CACNG7: variants seen among roughly 807,000 people sequenced by gnomAD.
CACNG7 encodes calcium voltage-gated channel auxiliary subunit gamma 7.
In CACNG7, 9 loss-of-function variants were observed where a neutral mutation model predicts 26.3. The ratio of observed to expected loss-of-function variants is 0.34; its 90% CI spans 0.21 to 0.60. The LOEUF (loss-of-function observed/expected upper bound fraction) is 0.60. CACNG7 is among the 20% of genes least tolerant of loss of function. The probability of loss-of-function intolerance (pLI) is 0.81; values close to 1 mark genes in which losing one functional copy is unlikely to be tolerated. For synonymous variants in CACNG7, 170 were observed against 157.0 expected, an observed-to-expected ratio of 1.08 and a Z score of -0.62; for missense variants, 297 against 380.4, an observed-to-expected ratio of 0.78 and a Z score of 1.82.
At position 53,942,181 on chromosome 19, in the gene CACNG7, G is replaced by T. The variant is rs1348904362; in HGVS notation, c.716G>T (p.Arg239Leu). 6.2e-7 allele frequency: 1 copy of T among 1,613,874 alleles called. No individual in the cohort carries two copies. The highest frequency in any genetic ancestry group is 1.7e-5 in the Admixed American group (1 of 59,996). ...GQFLQPEAWR[R>L]GRSPSDISSD... Reference sequence around the variant, plus strand: ...TTCCTGCAGCCCGAGGCGTGGCGCCGCGGCCGGAGCCCCTCCGACATCTCC... The same window carrying T: ...TTCCTGCAGCCCGAGGCGTGGCGCCTCGGCCGGAGCCCCTCCGACATCTCC... Residue 239 changes from arginine to leucine, a missense_variant, in exon 6 of 6, where the codon CGC becomes CTC. Arg to Leu is a moderately radical substitution (Grantham distance 102). Transcript: ENST00000391767. The surrounding 1 kb of genome is among the most constrained non-coding windows in gnomAD (Gnocchi z 5.9).
intron 3 of CACNG7, 48 bp downstream of exon 3, chr19:53,914,634 C>T (rs551136659): frequency 5.8e-6 from 9 of 1,544,964 alleles, no homozygotes; most frequent in Middle Eastern, 1.7e-4. Flanking sequence ...AGATCACAGC[C>T]GAGTCGTGGA....
rs1344078428 is a variant in CACNG7 at position 53,909,784 on chromosome 19, G to T, written c.-30+267G>T. ...CGTGGGCTGGGGAGGGCAGAGGCCG[G>T]GTCCCTGAGGAAGGCGAGGTACGGG... On this transcript the variant is annotated intron_variant, in intron 1 of 5. Coordinates refer to ENST00000391767, the MANE Select transcript of CACNG7 (RefSeq NM_031896.5). The surrounding 1 kb of genome is among the most constrained non-coding windows in gnomAD (Gnocchi z 5.1). Among the ~76,000 whole-genome samples, 1 of 152,078 alleles carries T rather than the reference G, an allele frequency of 6.6e-6. No individual in the cohort carries two copies. Among genetic ancestry groups the T allele is most frequent in the African/African-American group, 2.4e-5 (1 of 41,406 alleles).
Position 53,942,065 on chromosome 19 carries a change from C to T in CACNG7, c.600C>T (p.Phe200=). The T allele has an allele frequency of 6.2e-7, 1 of 1,612,324 alleles. No homozygotes were observed. Residue 200 remains phenylalanine, a synonymous_variant, in exon 6 of 6, where the codon TTC becomes TTT. Coordinates refer to ENST00000391767, the MANE Select transcript of CACNG7 (RefSeq NM_031896.5). This position sits in a 1 kb window ranked among gnomAD's most constrained non-coding sequence, Gnocchi z 5.9. ...EGAGVMSVYL[F]TKRYAEEEMY... Reference sequence around the variant, plus strand: ...CCGGCGTGATGTCCGTGTACCTGTTCACCAAGCGCTACGCGGAGGAGGAGA... The same window carrying T: ...CCGGCGTGATGTCCGTGTACCTGTTTACCAAGCGCTACGCGGAGGAGGAGA...
rs575001678 is a variant in CACNG7, at chr19:53,940,772, A to C, written c.425-698A>C. Among the ~76,000 whole-genome samples, 4 of 152,140 alleles carry C rather than the reference A, an allele frequency of 2.6e-5. No individual in the cohort carries two copies. The highest frequency in any genetic ancestry group is 9.6e-5 in the African/African-American group (4 of 41,524). On this transcript the variant is annotated intron_variant, in intron 4 of 5. Coordinates refer to ENST00000391767, the MANE Select transcript of CACNG7 (RefSeq NM_031896.5). This position sits in a 1 kb window ranked among gnomAD's most constrained non-coding sequence, Gnocchi z 4.1. ...ATTCTTCTCTGGGCCTCATCCTTTA[A>C]GGCCGGGCGCGGTGGCTCAAACCTG...
At chr19:53,920,642 G>C (rs1192239780) in intron 4 of CACNG7, among the ~76,000 whole-genome samples, 9 of 83,232 alleles carry the variant, frequency 1.1e-4, no homozygotes, top group South Asian at 4.5e-4. Flanking sequence ...CATTGGTGGA[G>C]TTGCCCCAGG....
chr19:53,937,182 G>T (rs1600000849), intron 4 of CACNG7, among the ~76,000 whole-genome samples: 1 of 152,324 alleles, frequency 6.6e-6, no homozygotes, highest in Admixed American at 6.5e-5. Flanking sequence ...GAGCCACGGT[G>T]CCCAGCCTCC....
intron 1 of CACNG7, among the ~76,000 whole-genome samples, chr19:53,911,619 G>A (rs1403265970): frequency 6.6e-6 from 1 of 152,186 alleles, no homozygotes; most frequent in Non-Finnish European, 1.5e-5. Context: ...CTGAGAGTCA[G>A]AGGGGCGAAA....
chr19:53,921,660 T>C (rs1458466112), intron 4 of CACNG7, among the ~76,000 whole-genome samples: 15 of 72,520 alleles, frequency 2.1e-4, no homozygotes, highest in Non-Finnish European at 2.2e-4. Context: ...TTGGTGGACT[T>C]GCCCCAGGTC....
At chr19:53,933,169 G>A (rs1163077311) in intron 4 of CACNG7, among the ~76,000 whole-genome samples, 3 of 151,036 alleles carry the variant, frequency 2.0e-5, no homozygotes, top group Non-Finnish European at 4.4e-5. Context: ...GTGCAGTGGT[G>A]CAATCTCGGC....
At chr19:53,913,092 C>T in intron 2 of CACNG7, 65 bp downstream of exon 2, 1 of 1,413,626 alleles carries the variant, frequency 7.1e-7, no homozygotes, top group Non-Finnish European at 9.8e-7. Context: ...GAGTCTTAGC[C>T]ATAGTCCCAT....
chr19:53,923,995 A>G (rs2068995274), intron 4 of CACNG7, among the ~76,000 whole-genome samples: 1 of 89,210 alleles, frequency 1.1e-5, no homozygotes, highest in Non-Finnish European at 2.1e-5. Flanking sequence ...AGGCCTGGTC[A>G]TTGGTGGAGT....
In CACNG7 at chr19:53,912,719, G is replaced by T; in HGVS notation, c.-29-84G>T. On this transcript the variant is annotated intron_variant, in intron 1 of 5. Coordinates refer to ENST00000391767, the MANE Select transcript of CACNG7 (RefSeq NM_031896.5). The surrounding 1 kb of genome is among the most constrained non-coding windows in gnomAD (Gnocchi z 4.6). ...ATTTGGGAGTCAGTGTCTCTGGCTA[G>T]GGCCCAGCATCCCGGGTTGCTGCAT... 2 of 1,082,890 alleles carry T rather than the reference G, an allele frequency of 1.8e-6. No homozygotes were observed. Among genetic ancestry groups the T allele is most frequent in the East Asian group, 2.4e-5 (1 of 41,878 alleles). 67.1% of individuals were successfully genotyped at this position (1,082,890 alleles called of 1,614,324 possible).
intron 2 of CACNG7, among the ~76,000 whole-genome samples, chr19:53,913,785 T>TAAAAAAAA (rs58238779): frequency 1.1e-5 from 1 of 94,016 alleles, no homozygotes; most frequent in Non-Finnish European, 2.1e-5. Context: ...CCCAGTCTCT[T>TAAAAAAAA]AAAAAAAAAA....
chr19:53,927,144 C>A (rs908718331), intron 4 of CACNG7, among the ~76,000 whole-genome samples: 1 of 151,790 alleles, frequency 6.6e-6, no homozygotes, highest in East Asian at 2.0e-4. Context: ...GGTCTCAAAC[C>A]CCTGACCTCA....
Position 53,912,948 on chromosome 19 carries a change from C to T in CACNG7, c.117C>T (p.Gly39=). The part of the protein sequence containing the change: ...STDYWLYMEE[G]TVLPQNQTTE... ...ACTACTGGCTGTACATGGAAGAAGG[C>T]ACAGTGCTACCGCAGAACCAGACCA... is the stretch of plus-strand genomic sequence containing the variant. Residue 39 remains glycine, a synonymous_variant, in exon 2 of 6, where the codon GGC becomes GGT. Transcript: ENST00000391767. This position sits in a 1 kb window ranked among gnomAD's most constrained non-coding sequence, Gnocchi z 4.6. The T allele has an allele frequency of 1.2e-6, 2 of 1,614,140 alleles. No homozygotes were observed. The highest frequency in any genetic ancestry group is 1.7e-6 in the Non-Finnish European group (2 of 1,180,030).
intron 4 of CACNG7, among the ~76,000 whole-genome samples, chr19:53,933,172 A>G (rs762937520): frequency 1.4e-4 from 20 of 147,284 alleles, no homozygotes; most frequent in Non-Finnish European, 2.7e-4. Context: ...CAGTGGTGCA[A>G]TCTCGGCTCA....
intron 4 of CACNG7, among the ~76,000 whole-genome samples, chr19:53,933,663 T>A (rs1378281599): frequency 7.0e-6 from 1 of 142,420 alleles, no homozygotes; most frequent in Non-Finnish European, 1.5e-5. Context: ...CAGGTTTGAT[T>A]TTTTTTTTTT....
At position 53,920,151 on chromosome 19, in the gene CACNG7, A is replaced by G. The variant is rs1428479502; in HGVS notation, c.424+4646A>G. Among the ~76,000 whole-genome samples, 28 of 85,862 alleles carry G rather than the reference A, an allele frequency of 3.3e-4. 1 individual carries two copies. The highest frequency in any genetic ancestry group is 1.1e-4 in the Non-Finnish European group (5 of 46,816). The allele number at this position is 85,862 out of a possible 152,430, so 56.3% of individuals were successfully genotyped here. A position where few individuals can be genotyped will look rare whatever the true frequency, so the allele number is the denominator to read the frequency against. ...TGGTGGACTTGCCCCAGGTCTGGTC[A>G]TTGGTGGAGTTGTCCCCAGGCCTGG... On this transcript the variant is annotated intron_variant, in intron 4 of 5. Coordinates refer to ENST00000391767, the MANE Select transcript of CACNG7 (RefSeq NM_031896.5).
intron 3 of CACNG7, among the ~76,000 whole-genome samples, chr19:53,915,012 A>AT (rs2068886184): frequency 1.3e-5 from 2 of 148,580 alleles, no homozygotes; most frequent in African/African-American, 4.9e-5. Flanking sequence ...TCTCAAAAAA[A>AT]AAAATAAATA....
Sources: allele counts gnomAD v4.1 joint callset (sites outside exome capture counted in the v4.1 genomes callset), GRCh38; gene constraint gnomAD v4.1.1; non-coding constraint Gnocchi (gnomAD v3.1); transcripts MANE v1.5; gene names NCBI Gene and HGNC (gene_info 2026-07-23, HGNC 2026-07-21).